The following CHST8 variants were observed in gnomAD, a reference collection of about 807,000 sequenced individuals.
CHST8 encodes carbohydrate sulfotransferase 8.
A neutral mutation model predicts 15.0 loss-of-function variants in CHST8; 10 were observed. That is an observed-to-expected ratio of 0.67 (90% CI 0.41 to 1.13). The LOEUF is 1.13. Ranked by LOEUF, CHST8 falls within the 50% of genes most tolerant of loss-of-function variation. The probability of loss-of-function intolerance (pLI) is 0.00; values close to 1 mark genes in which losing one functional copy is unlikely to be tolerated. For synonymous variants in CHST8, 259 were observed against 256.6 expected, an observed-to-expected ratio of 1.01 and a Z score of -0.09; for missense variants, 634 against 608.2, an observed-to-expected ratio of 1.04 and a Z score of -0.45.
chr19:33,758,972 G>C (rs1009698869), intron 3 of CHST8, among the ~76,000 whole-genome samples: 16 of 152,146 alleles, frequency 1.1e-4, no homozygotes, highest in Non-Finnish European at 2.2e-4. Flanking sequence ...CGGGCAAGCG[G>C]GAGTGTGCGT....
intron 2 of CHST8, among the ~76,000 whole-genome samples, chr19:33,674,067 T>G (rs567402675): frequency 6.6e-6 from 1 of 152,306 alleles, no homozygotes; most frequent in Admixed American, 6.5e-5. Context: ...TCTCCTCACT[T>G]CTGTCAGTAG....
rs35370834 is a variant in CHST8, at chr19:33,743,796, C to CTTT, written c.131-27606_131-27604dup. 4.6e-3 allele frequency among the ~76,000 whole-genome samples: 647 copies of CTTT among 140,566 alleles called. 3 individuals carry two copies. Among genetic ancestry groups the CTTT allele is most frequent in the Non-Finnish European group, 8.4e-3 (547 of 64,864 alleles). 92.2% of individuals were successfully genotyped at this position (140,566 alleles called of 152,430 possible). ...TTGTGTTCTGCTTTTTTCTTTTTTT[C>CTTT]TTTTTTTTTTTTTGAGATGGAGTCT... is the stretch of plus-strand genomic sequence containing the variant. On this transcript the variant is annotated intron_variant, in intron 3 of 4. Transcript: ENST00000650847.
intron 3 of CHST8, among the ~76,000 whole-genome samples, chr19:33,701,375 A>G (rs901087242): frequency 6.6e-6 from 1 of 152,178 alleles, no homozygotes; most frequent in African/African-American, 2.4e-5. Context: ...GCTAAATGAA[A>G]AATAATGAGC....
At chr19:33,719,448 T>C (rs887292751) in intron 3 of CHST8, among the ~76,000 whole-genome samples, 4 of 152,050 alleles carry the variant, frequency 2.6e-5, no homozygotes, top group Admixed American at 1.3e-4. Flanking sequence ...CTAGGGGAAG[T>C]GTCTTTGAAG....
At chr19:33,678,787 C>T (rs1972844806) in intron 2 of CHST8, among the ~76,000 whole-genome samples, 1 of 152,134 alleles carries the variant, frequency 6.6e-6, no homozygotes. Context: ...CTTTGGAAGC[C>T]AGCCTCCTTC....
intron 3 of CHST8, among the ~76,000 whole-genome samples, chr19:33,750,746 G>C (rs1043053793): frequency 1.3e-5 from 2 of 152,154 alleles, no homozygotes; most frequent in African/African-American, 4.8e-5. Context: ...AAGGCCCCAG[G>C]CACCAGCCGC....
At chr19:33,704,525 C>T (rs1236414770) in intron 3 of CHST8, among the ~76,000 whole-genome samples, 2 of 152,142 alleles carry the variant, frequency 1.3e-5, no homozygotes, top group African/African-American at 4.8e-5. Context: ...CAGGGGCCAC[C>T]GATGCTCCAC....
chr19:33,709,311 A>G (rs1242015010), intron 3 of CHST8, among the ~76,000 whole-genome samples: 1 of 152,174 alleles, frequency 6.6e-6, no homozygotes, highest in Non-Finnish European at 1.5e-5. Flanking sequence ...TAGGGGAAAA[A>G]CATTCCATCT....
chr19:33,645,787 G>A (rs1568313149), intron 1 of CHST8, among the ~76,000 whole-genome samples: 1 of 152,182 alleles, frequency 6.6e-6, no homozygotes, highest in African/African-American at 2.4e-5. Context: ...TGGCTGCCCA[G>A]AAAAGCCAAT....
chr19:33,652,456 A>T (rs562118290), intron 1 of CHST8, among the ~76,000 whole-genome samples: 104 of 146,902 alleles, frequency 7.1e-4, no homozygotes, highest in African/African-American at 2.6e-3. Flanking sequence ...GCTCTCTGCA[A>T]CCTCTGCCTC....
chr19:33,630,498 C>T (rs897489241), intron 1 of CHST8, among the ~76,000 whole-genome samples: 11 of 148,554 alleles, frequency 7.4e-5, no homozygotes, highest in South Asian at 2.1e-4. Flanking sequence ...CCTACACTGA[C>T]GGAGCCAGCA....
At chr19:33,760,138 G>C (rs988301886) in intron 3 of CHST8, among the ~76,000 whole-genome samples, 5 of 152,004 alleles carry the variant, frequency 3.3e-5, no homozygotes, top group African/African-American at 1.2e-4. Flanking sequence ...ATCTCAGAAT[G>C]GTCCTTAAAT....
intron 3 of CHST8, among the ~76,000 whole-genome samples, chr19:33,690,535 CA>C (rs2145259427): frequency 6.6e-6 from 1 of 152,304 alleles, no homozygotes; most frequent in Non-Finnish European, 1.5e-5. Flanking sequence ...CTGGGTCTGG[CA>C]GCTGCCAGAG....
At chr19:33,660,382 C>T (rs1304825050) in intron 1 of CHST8, among the ~76,000 whole-genome samples, 2 of 152,096 alleles carry the variant, frequency 1.3e-5, no homozygotes, top group African/African-American at 4.8e-5. Flanking sequence ...TTTCCAGCCC[C>T]CTTGATGCCG....
intron 1 of CHST8, among the ~76,000 whole-genome samples, chr19:33,637,834 G>A (rs965980150): frequency 6.9e-6 from 1 of 145,484 alleles, no homozygotes; most frequent in African/African-American, 2.5e-5. Context: ...CTGGACTCCA[G>A]CCTGAGCAAG....
chr19:33,623,759 C>T (rs1972016420), intron 1 of CHST8, among the ~76,000 whole-genome samples: 2 of 152,162 alleles, frequency 1.3e-5, no homozygotes, highest in Non-Finnish European at 2.9e-5. Context: ...GTCCCAAAGG[C>T]AAGGCAGACA....
chr19:33,773,128 C>A lies in CHST8; in HGVS notation c.*65C>A. The A allele has an allele frequency of 1.4e-6, 2 of 1,478,086 alleles. No individual in the cohort carries two copies. Among genetic ancestry groups the A allele is most frequent in the Middle Eastern group, 2.2e-4 (1 of 4,458 alleles). The allele number at this position is 1,478,086 out of a possible 1,614,324, so 91.6% of individuals were successfully genotyped here. A position where few individuals can be genotyped will look rare whatever the true frequency, so the allele number is the denominator to read the frequency against. ...CTCACCTGTGCTCCCGGGCATCCTC[C>A]TGTCCCTGGCTCCTCATCCTGGGAG... On this transcript the variant is annotated 3_prime_UTR_variant, in exon 5 of 5. Coordinates refer to ENST00000650847, the MANE Select transcript of CHST8 (RefSeq NM_001127895.2).
At position 33,652,240 on chromosome 19, in the gene CHST8, T is replaced by C. The variant is rs117952351; in HGVS notation, c.-163-15527T>C. Among the ~76,000 whole-genome samples, 287 of 152,236 alleles carry C rather than the reference T, an allele frequency of 1.9e-3. 5 individuals carry two copies. In the East Asian group the frequency reaches 0.025, roughly 13 times the overall value. ...TAATATTACAAAACAACTCTGTCTT[T>C]GTTATTTTGTCTTTGGTATGTTGCT... is the stretch of plus-strand genomic sequence containing the variant. On this transcript the variant is annotated intron_variant, in intron 1 of 4. Transcript: ENST00000650847.
At chr19:33,692,635 G>A (rs538875493) in intron 3 of CHST8, among the ~76,000 whole-genome samples, 10 of 152,266 alleles carry the variant, frequency 6.6e-5, no homozygotes, top group Non-Finnish European at 1.0e-4. Flanking sequence ...CCAGGAGGTC[G>A]AGACTGCAGT....
Sources: allele counts gnomAD v4.1 joint callset (sites outside exome capture counted in the v4.1 genomes callset), GRCh38; gene constraint gnomAD v4.1.1; transcripts MANE v1.5; gene names NCBI Gene and HGNC (gene_info 2026-07-23, HGNC 2026-07-21).